EIF3E: variants seen among roughly 807,000 people sequenced by gnomAD.
The protein encoded by EIF3E is eIF-3 p48.
EIF3E carries 25 observed loss-of-function variants against 59.3 expected under a neutral mutation model. That is an observed-to-expected ratio of 0.42 (90% confidence interval 0.31 to 0.59). EIF3E has a LOEUF of 0.59. Ranked by LOEUF, EIF3E falls within the 20% of genes least tolerant of loss-of-function variation. The probability of loss-of-function intolerance (pLI) is 0.15; values close to 1 mark genes in which losing one functional copy is unlikely to be tolerated. For synonymous variants in EIF3E, 176 were observed against 170.2 expected (o/e 1.03, Z -0.26); for missense variants, 317 against 534.3 (o/e 0.59, Z 4.01).
At chr8:108,245,141 A>C (rs1207187580) in intron 1 of EIF3E, among the ~76,000 whole-genome samples, 2 of 150,000 alleles carry the variant, frequency 1.3e-5, no homozygotes, top group African/African-American at 2.5e-5. Context: ...CCCATCCCAT[A>C]CCAATACAGA....
chr8:108,224,600 GAA>G (rs1324512841), intron 7 of EIF3E, among the ~76,000 whole-genome samples: 1 of 151,556 alleles, frequency 6.6e-6, no homozygotes, highest in Admixed American at 6.6e-5. Flanking sequence ...TATAGCAAGT[GAA>G]AACAGTAAAC....
At position 108,248,656 on chromosome 8, in the gene EIF3E, C is replaced by T. The variant is rs780502157; in HGVS notation, c.47G>A (p.Arg16Gln). 6.2e-7 allele frequency: 1 copy of T among 1,614,164 alleles called. No individual in the cohort carries two copies. The highest frequency in any genetic ancestry group is 1.1e-5 in the South Asian group (1 of 91,082). Residue 16 changes from arginine (R) to glutamine (Q), a missense_variant, in exon 1 of 13, where the codon CGG (arginine) becomes CAG (glutamine). Arg to Gln is a conservative substitution (Grantham distance 43). Around this residue, in one of 4 missense-constraint regions of EIF3E, gnomAD observed 30 missense variants for 22.2 expected, o/e 1.35. Transcript: ENST00000220849. ...LTTRIAHFLD[R>Q]HLVFPLLEFL... ...TTCAAGAAGCGGAAAGACTAGATGCCGATCCAAAAAGTGCGCGATGCGAGT... is the reference window on the plus strand; with the variant it reads ...TTCAAGAAGCGGAAAGACTAGATGCTGATCCAAAAAGTGCGCGATGCGAGT...
intron 1 of EIF3E, chr8:108,242,187 G>A (rs966634658): frequency 2.3e-6 from 3 of 1,332,186 alleles, no homozygotes; most frequent in Non-Finnish European, 2.9e-6. Flanking sequence ...TATTTTTTAT[G>A]TGTCCCTACA....
At chr8:108,243,589 ACTGCACTCCAGC>A (rs1297200154) in intron 1 of EIF3E, 4 of 142,336 alleles carry the variant, frequency 2.8e-5, no homozygotes, top group African/African-American at 1.1e-4. Context: ...AGATTGCGCC[ACTGCACTCCAGC>A]CTGGGCCACA....
Position 108,206,598 on chromosome 8 carries a change from A to ATG in EIF3E, c.1062-3096_1062-3095insCA, listed in dbSNP as rs1563626480. ...CAAGATTCTGTGCACATGTGCACACACACACACACACACACACACTGGCAT... is the reference window on the plus strand; with the variant it reads ...CAAGATTCTGTGCACATGTGCACACATGCACACACACACACACACACTGGCAT... On this transcript the variant is annotated intron_variant, in intron 10 of 12. Coordinates refer to ENST00000220849, the MANE Select transcript of EIF3E (RefSeq NM_001568.3). 3.7e-3 allele frequency among the ~76,000 whole-genome samples: 500 copies of ATG among 136,506 alleles called. 2 individuals are homozygous for ATG. Among genetic ancestry groups the ATG allele is most frequent in the African/African-American group, 0.013 (420 of 32,638 alleles). The allele number at this position is 136,506 out of a possible 152,430, so 89.6% of individuals were successfully genotyped here.
intron 7 of EIF3E, among the ~76,000 whole-genome samples, chr8:108,217,991 A>G (rs1463665586): frequency 2.0e-5 from 3 of 152,178 alleles, no homozygotes; most frequent in Admixed American, 1.3e-4. Flanking sequence ...TGTCAGGTAA[A>G]CATTAACAGG....
Position 108,203,255 on chromosome 8 carries a change from A to T in EIF3E, c.1165-138T>A, listed in dbSNP as rs914227353. 18 of 1,289,316 alleles carry T rather than the reference A, an allele frequency of 1.4e-5. No individual in the cohort carries two copies. The East Asian group carries it at 2.9e-4, about 21-fold the overall frequency. 79.9% of individuals were successfully genotyped at this position (1,289,316 alleles called of 1,614,324 possible). A position where few individuals can be genotyped will look rare whatever the true frequency, so the allele number is the denominator to read the frequency against. ...CAATATTTACCAAGGAAGAAAAAAA[A>T]TAGGAGGCTTCTGTTGCCTTCAAAG... On this transcript the variant is annotated intron_variant, in intron 11 of 12. Coordinates refer to ENST00000220849, the MANE Select transcript of EIF3E (RefSeq NM_001568.3).
At position 108,234,982 on chromosome 8, in the gene EIF3E, ATGT is replaced by A; in HGVS notation, c.471+13_471+15del. 6.3e-6 allele frequency: 8 copies of A among 1,263,940 alleles called. No individual in the cohort carries two copies. The highest frequency in any genetic ancestry group is 2.3e-4 in the Middle Eastern group (1 of 4,418). 78.3% of individuals were successfully genotyped at this position (1,263,940 alleles called of 1,614,324 possible). A position where few individuals can be genotyped will look rare whatever the true frequency, so the allele number is the denominator to read the frequency against. The stretch of plus-strand genomic sequence containing the variant: ...AGACAAAAAAAAAAAAAAAAAAAAC[ATGT>A]ACTTATACTTACCAGCACTCTAAAA... On this transcript the variant is annotated intron_variant, in intron 5 of 12. Transcript: ENST00000220849.
intron 10 of EIF3E, among the ~76,000 whole-genome samples, chr8:108,214,298 A>C (rs373209932): frequency 3.0e-4 from 46 of 152,324 alleles, no homozygotes; most frequent in African/African-American, 1.1e-3. Context: ...CATTTTAGAA[A>C]TGTTTACTAC....
intron 1 of EIF3E, among the ~76,000 whole-genome samples, chr8:108,244,151 CAG>C (rs1484452416): frequency 6.6e-6 from 1 of 152,094 alleles, no homozygotes; most frequent in Non-Finnish European, 1.5e-5. Flanking sequence ...GAAATAATAA[CAG>C]TAAAAGTTTT....
At chr8:108,238,530 T>C (rs1815777857) in intron 3 of EIF3E, among the ~76,000 whole-genome samples, 1 of 152,068 alleles carries the variant, frequency 6.6e-6, no homozygotes, top group African/African-American at 2.4e-5. Flanking sequence ...TATTTTTTAT[T>C]GTAGTATTGT....
chr8:108,213,308 T>C (rs1462912595), intron 10 of EIF3E, among the ~76,000 whole-genome samples: 1 of 152,092 alleles, frequency 6.6e-6, no homozygotes, highest in East Asian at 1.9e-4. Context: ...TGGACAAAAA[T>C]GCCAAGTTCA....
chr8:108,211,315 T>C (rs998237232), intron 10 of EIF3E, among the ~76,000 whole-genome samples: 2 of 152,224 alleles, frequency 1.3e-5, no homozygotes, highest in Admixed American at 6.5e-5. Context: ...GGTATCTCAT[T>C]GTGGTTTTGA....
intron 4 of EIF3E, among the ~76,000 whole-genome samples, chr8:108,235,866 A>G (rs1315838165): frequency 6.6e-6 from 1 of 152,254 alleles, no homozygotes; most frequent in African/African-American, 2.4e-5. Flanking sequence ...TATAATACTT[A>G]GCTTGCTATT....
At chr8:108,242,315 ATAT>A in intron 1 of EIF3E, 1 of 1,289,868 alleles carries the variant, frequency 7.8e-7, no homozygotes. Context: ...ATAAACTCCT[ATAT>A]GCTTCTCCAT....
chr8:108,242,494 A>G, intron 1 of EIF3E: 1 of 1,204,756 alleles, frequency 8.3e-7, no homozygotes, highest in Non-Finnish European at 1.1e-6. Flanking sequence ...AGTAATATGT[A>G]AAGATTCTAC....
At chr8:108,242,334 T>C (rs553355173) in intron 1 of EIF3E, 94 of 1,289,626 alleles carry the variant, frequency 7.3e-5, no homozygotes, top group Admixed American at 6.0e-4. Context: ...TCCATCCACA[T>C]TGCTGAAACA....
intron 1 of EIF3E, 200 bp from the exon 2 acceptor site, chr8:108,242,113 T>C: frequency 6.9e-7 from 1 of 1,444,530 alleles, no homozygotes; most frequent in Non-Finnish European, 9.2e-7. Flanking sequence ...TTTACTTACC[T>C]AAAAATTTTA....
intron 1 of EIF3E, among the ~76,000 whole-genome samples, chr8:108,245,131 C>T (rs1374910486): frequency 6.9e-6 from 1 of 145,094 alleles, no homozygotes; most frequent in Non-Finnish European, 1.5e-5. Flanking sequence ...GCCCCCCCCT[C>T]CCATCCCATA....
Sources: gnomAD v4.1 joint callset for allele counts (sites outside exome capture counted in the v4.1 genomes callset) on GRCh38, gnomAD v4.1.1 for gene constraint, gnomAD v4.1.1 regional missense constraint, MANE v1.5 for transcripts, NCBI Gene and HGNC (gene_info 2026-07-23, HGNC 2026-07-21) for gene names.